PPP1R3F: variants seen among roughly 807,000 people sequenced by gnomAD.
PPP1R3F encodes the protein protein phosphatase 1, regulatory (inhibitor) subunit 3F.
Under a neutral mutation model 24.2 loss-of-function variants are expected in PPP1R3F, and 29 were observed. The observed-to-expected ratio is 1.20, with a 90% CI of 0.89 to 1.63. PPP1R3F has a LOEUF of 1.63. Ranked by LOEUF, PPP1R3F falls within the 40% of genes most tolerant of loss-of-function variation. PPP1R3F has a pLI of 0.00. For missense variants in PPP1R3F, 823 were observed against 729.3 expected, an observed-to-expected ratio of 1.13 and a Z score of -1.48; for synonymous variants, 363 against 340.1, an observed-to-expected ratio of 1.07 and a Z score of -0.74.
Position 49,270,394 on chromosome X carries a change from C to T in PPP1R3F, c.525C>T (p.Phe175=), listed in dbSNP as rs782585238. The T allele has an allele frequency of 1.7e-6, 2 of 1,168,512 alleles. No homozygotes were observed. The highest frequency in any genetic ancestry group is 1.9e-5 in the South Asian group (1 of 53,585). The part of the protein sequence containing the change: ...RGLVRVLNRS[F]EKAVHVRASH... ...TGGTACGCGTGCTGAACCGCTCCTT[C>T]GAGAAGGCGGTGCACGTGCGGGCCT... is the stretch of plus-strand genomic sequence containing the variant. The change falls in exon 1 of 4, where the codon TTC becomes TTT. Residue 175 remains phenylalanine, a synonymous_variant. Coordinates refer to ENST00000055335, the MANE Select transcript of PPP1R3F (RefSeq NM_033215.5).
chrX:49,281,861 A>T, intron 2 of PPP1R3F, 120 bp from the exon 3 acceptor site: 1 of 514,197 alleles, frequency 1.9e-6, no homozygotes, highest in Non-Finnish European at 3.3e-6. Context: ...TCTGCTTTAG[A>T]TTGTCACAGA....
chrX:49,286,971 G>A lies in PPP1R3F; in HGVS notation c.2281G>A (p.Gly761Arg). The A allele has an allele frequency of 1.7e-6, 2 of 1,211,480 alleles. No homozygotes were observed. Among genetic ancestry groups the A allele is most frequent in the Non-Finnish European group, 2.2e-6 (2 of 895,288 alleles). The change falls in exon 4 of 4, where the codon GGG becomes AGG. Residue 761 changes from glycine to arginine, a missense_variant. Physicochemically the swap from Gly to Arg is moderately radical, Grantham distance 125. Transcript: ENST00000055335. ...CVCALPPQLR[G>R]PLTQTLGVLA... ...GTGTGCACTGCCTCCTCAGCTCCGG[G>A]GGCCCTTGACCCAGACTCTGGGGGT...
At position 49,270,284 on chromosome X, in the gene PPP1R3F, G is replaced by T; in HGVS notation, c.415G>T (p.Glu139Ter). Residue 139 changes from glutamate to a stop codon, truncating the protein, a stop_gained, in exon 1 of 4, where the codon GAG (glutamate) becomes TAG (stop). Transcript: ENST00000055335. LOFTEE classifies it high-confidence loss of function. ...ERLGRVMVEL[E>*]ALLPPPGAVP... ...CTTGGGGCGCGTCATGGTGGAGCTG[G>T]AGGCGCTGCTGCCGCCTCCCGGAGC... 9.1e-7 allele frequency: 1 copy of T among 1,104,760 alleles called. No homozygotes were observed. The highest frequency in any genetic ancestry group is 3.3e-5 in the Admixed American group (1 of 30,057). The allele number at this position is 1,104,760 out of a possible 1,213,427, so 91.0% of individuals were successfully genotyped here. A position where few individuals can be genotyped will look rare whatever the true frequency, so the allele number is the denominator to read the frequency against.
In PPP1R3F at chrX:49,270,569, C is replaced by T; in HGVS notation, c.700C>T (p.Pro234Ser). The change falls in exon 1 of 4, where the codon CCC (proline) becomes TCC (serine). Residue 234 changes from proline to serine, a missense_variant. Physicochemically the swap from Pro to Ser is moderately conservative, Grantham distance 74. Coordinates refer to ENST00000055335, the MANE Select transcript of PPP1R3F (RefSeq NM_033215.5). ...LGPGQASASS[P>S]DDGGRTDRFA... ...TCCCGGCCAGGCATCCGCCTCCTCG[C>T]CCGACGACGGCGGCCGCACCGACCG... is the stretch of plus-strand genomic sequence containing the variant. 1.7e-6 allele frequency: 2 copies of T among 1,202,484 alleles called. No individual in the cohort carries two copies. Among genetic ancestry groups the T allele is most frequent in the Non-Finnish European group, 2.2e-6 (2 of 893,637 alleles).
Position 49,287,366 on chromosome X carries a change from G to A in PPP1R3F, c.*276G>A. On this transcript the variant is annotated 3_prime_UTR_variant, in exon 4 of 4. Coordinates refer to ENST00000055335, the MANE Select transcript of PPP1R3F (RefSeq NM_033215.5). Reference sequence around the variant, plus strand: ...TTTTTGTATAATTCTCTGGATGAGGGAGAGTGGTCGTGAGCTGGTCTTGGG... The same window carrying A: ...TTTTTGTATAATTCTCTGGATGAGGAAGAGTGGTCGTGAGCTGGTCTTGGG... The A allele has an allele frequency of 3.0e-6, 1 of 332,723 alleles. No individual in the cohort carries two copies. The allele number at this position is 332,723 out of a possible 1,213,427, so 27.4% of individuals were successfully genotyped here. A position where few individuals can be genotyped will look rare whatever the true frequency, so the allele number is the denominator to read the frequency against.
At chrX:49,292,804 A>G (rs782141224), downstream of PPP1R3F, among the ~76,000 whole-genome samples, 13 of 112,088 alleles carry the variant, frequency 1.2e-4, no homozygotes, top group South Asian at 7.4e-4. Context: ...GCTGCCCTCT[A>G]TGGGGCTCAG....
rs782625439 is a variant in PPP1R3F at position 49,270,891 on chromosome X, C to T, written c.1004+18C>T. 3.5e-6 allele frequency: 4 copies of T among 1,157,284 alleles called. No individual in the cohort carries two copies. In the Admixed American group the frequency reaches 7.7e-5, roughly 22 times the overall value. ...AGGCGCAGGTAATGTCAGCCAGCGC[C>T]ACCTCCGCCAACGCAGGGCTGTGTC... On this transcript the variant is annotated intron_variant, in intron 1 of 3. Coordinates refer to ENST00000055335, the MANE Select transcript of PPP1R3F (RefSeq NM_033215.5).
chrX:49,297,489 C>T (rs2066326309), intron 3 of PPP1R3F, among the ~76,000 whole-genome samples: 1 of 109,908 alleles, frequency 9.1e-6, no homozygotes, highest in African/African-American at 3.3e-5. Flanking sequence ...GCGGGGATTA[C>T]AGGCGTGAGC....
intron 1 of PPP1R3F, chrX:49,274,406 A>T (rs1380396843): frequency 8.9e-6 from 1 of 111,964 alleles, no homozygotes; most frequent in Non-Finnish European, 1.9e-5. Context: ...AGCTCCTGTC[A>T]CCATGGTCTT....
At chrX:49,295,308 T>C (rs1394488083) in intron 3 of PPP1R3F, among the ~76,000 whole-genome samples, 2 of 110,643 alleles carry the variant, frequency 1.8e-5, no homozygotes, top group African/African-American at 6.6e-5. Context: ...CACACCTGAC[T>C]AATTTTTGTA....
chrX:49,281,540 A>G (rs2066248862), intron 2 of PPP1R3F, 79 bp downstream of exon 2: 3 of 883,323 alleles, frequency 3.4e-6, no homozygotes, highest in Non-Finnish European at 4.9e-6. Context: ...TTCTATAAAA[A>G]TGAAAAAGGC....
chrX:49,296,683 C>T (rs2066323664), intron 3 of PPP1R3F, among the ~76,000 whole-genome samples: 2 of 111,989 alleles, frequency 1.8e-5, no homozygotes, highest in Admixed American at 9.5e-5. Context: ...CTAAACACTG[C>T]TTTAGCTGTG....
Position 49,286,384 on chromosome X carries a change from A to T in PPP1R3F, c.1694A>T (p.Glu565Val). 8.4e-7 allele frequency: 1 copy of T among 1,192,255 alleles called. No individual in the cohort carries two copies. The highest frequency in any genetic ancestry group is 1.7e-5 in the African/African-American group (1 of 57,586). Reference protein sequence around the residue: ...LHYARLGRGVELIKDTEDPDD... With the variant: ...LHYARLGRGVVLIKDTEDPDD... ...TATGCCCGGCTGGGGCGTGGCGTGG[A>T]GCTCATCAAGGACACCGAAGACCCT... Residue 565 changes from glutamate (E) to valine (V), a missense_variant, in exon 4 of 4, where the codon GAG becomes GTG. Glu to Val is a moderately radical substitution (Grantham distance 121). Coordinates refer to ENST00000055335, the MANE Select transcript of PPP1R3F (RefSeq NM_033215.5).
chrX:49,278,046 CCCT>C (rs1371697340), intron 1 of PPP1R3F, among the ~76,000 whole-genome samples: 5 of 112,033 alleles, frequency 4.5e-5, no homozygotes, highest in African/African-American at 1.6e-4. Context: ...GATGTTCTCG[CCCT>C]CCTCAGCCAT....
At chrX:49,297,332 G>C (rs1400573743) in intron 3 of PPP1R3F, among the ~76,000 whole-genome samples, 1 of 109,211 alleles carries the variant, frequency 9.2e-6, no homozygotes, top group Non-Finnish European at 1.9e-5. Flanking sequence ...TCCTGCCTCA[G>C]CCTCCCGAGT....
intron 1 of PPP1R3F, among the ~76,000 whole-genome samples, chrX:49,279,181 G>A (rs1557120350): frequency 9.0e-6 from 1 of 111,551 alleles, no homozygotes. Context: ...CTTGAGTCCA[G>A]GAGTTCACGA....
At chrX:49,291,773 C>T (rs1450589163), downstream of PPP1R3F, among the ~76,000 whole-genome samples, 3 of 110,851 alleles carry the variant, frequency 2.7e-5, no homozygotes, top group South Asian at 3.9e-4. Flanking sequence ...TCTCCCTCCT[C>T]CTTGTGACTA....
At chrX:49,295,669 A>AT (rs2066321182) in intron 3 of PPP1R3F, among the ~76,000 whole-genome samples, 2 of 109,553 alleles carry the variant, frequency 1.8e-5, no homozygotes, top group African/African-American at 6.7e-5. Flanking sequence ...TTCCTGTCTT[A>AT]TTTTTTGAAG....
chrX:49,293,941 C>T (rs1195360990), intron 3 of PPP1R3F, among the ~76,000 whole-genome samples: 1 of 111,564 alleles, frequency 9.0e-6, no homozygotes, highest in Non-Finnish European at 1.9e-5. Context: ...TTGCAGTGAG[C>T]CAAGATCGGG....
Sources: allele counts gnomAD v4.1 joint callset (sites outside exome capture counted in the v4.1 genomes callset), GRCh38; gene constraint gnomAD v4.1.1; transcripts MANE v1.5; gene names NCBI Gene and HGNC (gene_info 2026-07-23, HGNC 2026-07-21).